Variants in PRICKLE1 observed in about 807,000 individuals in gnomAD.
PRICKLE1 encodes prickle planar cell polarity protein 1, also known as prickle-like protein 1.
Under a neutral mutation model 70.2 loss-of-function variants are expected in PRICKLE1, and 14 were observed. The ratio of observed to expected loss-of-function variants is 0.20; its 90% CI spans 0.13 to 0.31. The LOEUF is 0.31. Among genes scored for constraint, PRICKLE1 ranks in the 10% least tolerant of loss-of-function variants. The pLI is 1.00. For missense variants in PRICKLE1, 821 were observed against 1,026.2 expected (o/e 0.80, Z 2.73); for synonymous variants, 357 against 379.9 (o/e 0.94, Z 0.70).
intron 1 of PRICKLE1, among the ~76,000 whole-genome samples, chr12:42,503,400 G>A (rs137938259): frequency 6.6e-6 from 1 of 152,242 alleles, no homozygotes; most frequent in African/African-American, 2.4e-5. Context: ...TTGTACACAA[G>A]GGGATAGATT....
chr12:42,585,767 G>A (rs758239721), intron 1 of PRICKLE1, among the ~76,000 whole-genome samples: 3 of 152,084 alleles, frequency 2.0e-5, no homozygotes, highest in South Asian at 2.1e-4. Flanking sequence ...TCATCAACAC[G>A]TAGGTAATTA....
intron 1 of PRICKLE1, among the ~76,000 whole-genome samples, chr12:42,540,353 G>T (rs1940090597): frequency 2.0e-5 from 3 of 152,148 alleles, no homozygotes; most frequent in African/African-American, 7.2e-5. Flanking sequence ...CATCATGTTG[G>T]TCTTAGGAAA....
Position 42,464,328 on chromosome 12 carries a change from C to A in PRICKLE1, c.1639+67G>T. 6.2e-7 allele frequency: 1 copy of A among 1,605,238 alleles called. No homozygotes were observed. On this transcript the variant is annotated intron_variant, in intron 7 of 7. Transcript: ENST00000345127. The surrounding 1 kb of genome is among the most constrained non-coding windows in gnomAD (Gnocchi z 4.2). Reference sequence around the variant, plus strand: ...GAGCCACTGCGCCTGGCTTGAATTGCAATTTTTTGAATACACTTTTTAGTA... The same window carrying A: ...GAGCCACTGCGCCTGGCTTGAATTGAAATTTTTTGAATACACTTTTTAGTA...
At chr12:42,542,020 A>G (rs1246455508) in intron 1 of PRICKLE1, among the ~76,000 whole-genome samples, 2 of 152,164 alleles carry the variant, frequency 1.3e-5, no homozygotes, top group Non-Finnish European at 2.9e-5. Context: ...CATAGTCCTC[A>G]GGGGGCTAGT....
chr12:42,569,761 T>C (rs985811660), intron 1 of PRICKLE1, among the ~76,000 whole-genome samples: 1 of 152,334 alleles, frequency 6.6e-6, no homozygotes, highest in South Asian at 2.1e-4. Flanking sequence ...ACATAATCTC[T>C]GGAACAGATG....
At chr12:42,476,579 G>A (rs1938545100) in intron 1 of PRICKLE1, among the ~76,000 whole-genome samples, 1 of 152,228 alleles carries the variant, frequency 6.6e-6, no homozygotes, top group South Asian at 2.1e-4. Flanking sequence ...GCCTCCCAAA[G>A]TGCTGGGATT....
intron 1 of PRICKLE1, among the ~76,000 whole-genome samples, chr12:42,507,640 G>C (rs1939442690): frequency 6.6e-6 from 1 of 152,186 alleles, no homozygotes; most frequent in African/African-American, 2.4e-5. Context: ...AATTCTTCTG[G>C]AGGAACTAAC....
chr12:42,512,404 C>T (rs1207614078), intron 1 of PRICKLE1, among the ~76,000 whole-genome samples: 1 of 152,100 alleles, frequency 6.6e-6, no homozygotes, highest in Non-Finnish European at 1.5e-5. Flanking sequence ...GAACTGCTGA[C>T]CTTAAAAGCG....
chr12:42,564,949 A>G lies in PRICKLE1; in HGVS notation c.-49+24516T>C, dbSNP rs150731054. Among the ~76,000 whole-genome samples the G allele has an allele frequency of 1.7e-4, 26 of 152,394 alleles. No homozygotes were observed. The East Asian group carries it at 5.0e-3, about 29-fold the overall frequency. ...TTAAATACGTCAGGGCAGGAACACTAGTATTAGCAAACTGAAAGTAAACAA... is the reference window on the plus strand; with the variant it reads ...TTAAATACGTCAGGGCAGGAACACTGGTATTAGCAAACTGAAAGTAAACAA... On this transcript the variant is annotated intron_variant, in intron 1 of 7. Coordinates refer to ENST00000345127, the MANE Select transcript of PRICKLE1 (RefSeq NM_153026.3).
intron 1 of PRICKLE1, among the ~76,000 whole-genome samples, chr12:42,515,845 T>C (rs1427252023): frequency 2.0e-5 from 3 of 152,206 alleles, no homozygotes; most frequent in African/African-American, 7.2e-5. Context: ...AATTACCTGA[T>C]GATGTACATT....
intron 1 of PRICKLE1, chr12:42,550,251 T>C (rs1459158315): frequency 6.6e-6 from 1 of 152,486 alleles, no homozygotes; most frequent in African/African-American, 2.4e-5. Flanking sequence ...GAGAATCGCT[T>C]GAGTCCAGGA....
At chr12:42,469,660 T>C (rs1165285997) in intron 3 of PRICKLE1, 73 bp from the exon 4 acceptor site, 1 of 1,597,846 alleles carries the variant, frequency 6.3e-7, no homozygotes. Context: ...CTTCCAGAGT[T>C]AGGGTTTCAG....
intron 1 of PRICKLE1, among the ~76,000 whole-genome samples, chr12:42,484,939 GA>G (rs1285622610): frequency 6.6e-6 from 1 of 151,860 alleles, no homozygotes. Context: ...GAATGAAGGG[GA>G]AAATGCAATA....
chr12:42,530,680 ATTTTTTTT>A (rs34675637), intron 1 of PRICKLE1, among the ~76,000 whole-genome samples: 2 of 97,116 alleles, frequency 2.1e-5, no homozygotes, highest in East Asian at 5.9e-4. Context: ...TTATCAAATA[ATTTTTTTT>A]TTTTTTTTTT....
At chr12:42,476,549 C>A (rs1439679278) in intron 1 of PRICKLE1, among the ~76,000 whole-genome samples, 1 of 151,732 alleles carries the variant, frequency 6.6e-6, no homozygotes, top group Non-Finnish European at 1.5e-5. Flanking sequence ...CTCCTGACCT[C>A]AGGGGATCTG....
chr12:42,513,744 C>T (rs1939557509), intron 1 of PRICKLE1, among the ~76,000 whole-genome samples: 1 of 151,996 alleles, frequency 6.6e-6, no homozygotes, highest in African/African-American at 2.4e-5. Flanking sequence ...ACCTGCAATC[C>T]CAGCACTTTG....
intron 1 of PRICKLE1, among the ~76,000 whole-genome samples, chr12:42,551,625 G>A (rs549324831): frequency 1.7e-3 from 260 of 152,294 alleles, no homozygotes; most frequent in Middle Eastern, 3.4e-3. Context: ...AAATAAAGAA[G>A]GAGGAGAGTG....
At chr12:42,485,239 G>GTTTTTTTTTTTTTTTTT (rs556218718) in intron 1 of PRICKLE1, 4 of 100,784 alleles carry the variant, frequency 4.0e-5, no homozygotes, top group African/African-American at 7.4e-5. Context: ...CAGCTGAGAA[G>GTTTTTTTTTTTTTTTTT]TTTTTTTTTT....
At chr12:42,538,095 G>T (rs145747820) in intron 1 of PRICKLE1, among the ~76,000 whole-genome samples, 1 of 152,102 alleles carries the variant, frequency 6.6e-6, no homozygotes, top group Non-Finnish European at 1.5e-5. Context: ...AGACAGGATC[G>T]ATTGAGCTCA....
Sources: gnomAD v4.1 joint callset for allele counts (sites outside exome capture counted in the v4.1 genomes callset) on GRCh38, gnomAD v4.1.1 for gene constraint, Gnocchi (gnomAD v3.1) non-coding constraint, MANE v1.5 for transcripts, NCBI Gene and HGNC (gene_info 2026-07-23, HGNC 2026-07-21) for gene names.